RPSA2: variants seen among roughly 807,000 people sequenced by gnomAD.
The protein encoded by RPSA2 is ribosomal protein SA 2.
chr19:23,862,210 T>G, the RPSA2 span, among the ~76,000 whole-genome samples: 1 of 152,182 alleles, frequency 6.6e-6, no homozygotes. Flanking sequence ...ATGCTTGTGA[T>G]TTTTGTACAT....
chr19:23,829,909 A>G, the RPSA2 span, among the ~76,000 whole-genome samples: 1 of 152,188 alleles, frequency 6.6e-6, no homozygotes, highest in Admixed American at 6.5e-5. Context: ...TATTTTTTCT[A>G]GAAAATAATG....
At chr19:23,765,205 G>T in the RPSA2 span, among the ~76,000 whole-genome samples, 3 of 152,156 alleles carry the variant, frequency 2.0e-5, no homozygotes, top group Non-Finnish European at 4.4e-5. Flanking sequence ...GTGTAAATTA[G>T]TTCAACCATT....
chr19:23,779,101 T>C, the RPSA2 span, among the ~76,000 whole-genome samples: 1 of 147,824 alleles, frequency 6.8e-6, no homozygotes, highest in Admixed American at 7.0e-5. Context: ...CCTGGGCTCA[T>C]GCCATTCTCC....
At chr19:23,828,726 A>T in the RPSA2 span, among the ~76,000 whole-genome samples, 1 of 151,736 alleles carries the variant, frequency 6.6e-6, no homozygotes, top group Non-Finnish European at 1.5e-5. Context: ...GTGTATTCTG[A>T]TGTTGTTGAG....
the RPSA2 span, among the ~76,000 whole-genome samples, chr19:23,775,614 A>G: frequency 6.6e-6 from 1 of 152,242 alleles, no homozygotes; most frequent in Non-Finnish European, 1.5e-5. Context: ...ACATGAACAC[A>G]GTCCACTGGA....
At chr19:23,760,667 A>G in the RPSA2 span, among the ~76,000 whole-genome samples, 1,697 of 96,946 alleles carry the variant, frequency 0.018, 39 homozygotes, top group African/African-American at 0.057. Flanking sequence ...ATATATATAT[A>G]TATTTTTTTT....
the RPSA2 span, among the ~76,000 whole-genome samples, chr19:23,767,685 T>C: frequency 6.6e-6 from 1 of 151,880 alleles, no homozygotes; most frequent in Non-Finnish European, 1.5e-5. Flanking sequence ...GAGTCAGACA[T>C]GTTTGTGTCC....
chr19:23,813,535 GA>G, the RPSA2 span, among the ~76,000 whole-genome samples: 4 of 151,816 alleles, frequency 2.6e-5, no homozygotes, highest in Admixed American at 2.6e-4. Flanking sequence ...AGATTTTTAA[GA>G]TTTTTTTTAA....
chr19:23,870,564 T>C, the RPSA2 span, among the ~76,000 whole-genome samples: 4 of 152,044 alleles, frequency 2.6e-5, no homozygotes, highest in African/African-American at 9.7e-5. Context: ...AACTCAAGAG[T>C]TTCAGCCTTC....
the RPSA2 span, among the ~76,000 whole-genome samples, chr19:23,812,432 T>C: frequency 6.6e-6 from 1 of 151,334 alleles, no homozygotes; most frequent in East Asian, 1.9e-4. Flanking sequence ...GTTTTGCTCT[T>C]GTTGCTGAGG....
chr19:23,829,037 T>G, the RPSA2 span, among the ~76,000 whole-genome samples: 1 of 152,126 alleles, frequency 6.6e-6, no homozygotes, highest in African/African-American at 2.4e-5. Context: ...TCTTTGGAGT[T>G]TCAATTTCAA....
the RPSA2 span, among the ~76,000 whole-genome samples, chr19:23,868,252 A>C: frequency 6.6e-6 from 1 of 152,172 alleles, no homozygotes. Context: ...ATAAGCCTCG[A>C]TTTGCCTTCT....
At chr19:23,843,676 T>C in the RPSA2 span, among the ~76,000 whole-genome samples, 6 of 152,246 alleles carry the variant, frequency 3.9e-5, no homozygotes, top group African/African-American at 1.2e-4. Flanking sequence ...AGTGGTGATA[T>C]TAAGATTTGT....
At chr19:23,859,235 A>C in the RPSA2 span, among the ~76,000 whole-genome samples, 1 of 152,210 alleles carries the variant, frequency 6.6e-6, no homozygotes, top group Non-Finnish European at 1.5e-5. Context: ...GCTACGTACA[A>C]ACATGACATC....
the RPSA2 span, among the ~76,000 whole-genome samples, chr19:23,859,248 A>G: frequency 6.6e-6 from 1 of 152,208 alleles, no homozygotes; most frequent in African/African-American, 2.4e-5. Flanking sequence ...ATGACATCAA[A>G]TTATACTTCC....
chr19:23,839,544 A>G, the RPSA2 span, among the ~76,000 whole-genome samples: 1 of 152,210 alleles, frequency 6.6e-6, no homozygotes, highest in Non-Finnish European at 1.5e-5. Flanking sequence ...TCAGTGTGGT[A>G]AAATAAAAAG....
At chr19:23,846,875 C>A in the RPSA2 span, among the ~76,000 whole-genome samples, 6 of 152,168 alleles carry the variant, frequency 3.9e-5, no homozygotes, top group African/African-American at 1.2e-4. Flanking sequence ...GTGGTGATTG[C>A]TGAGCTTCCT....
chr19:23,822,309 TGGACATTAAGG>T, the RPSA2 span, among the ~76,000 whole-genome samples: 5 of 152,340 alleles, frequency 3.3e-5, 1 homozygote, highest in Admixed American at 3.3e-4. Flanking sequence ...AGCATATGCC[TGGACATTAAGG>T]GTGCCTTCAG....
chr19:23,821,424 G>A, the RPSA2 span, among the ~76,000 whole-genome samples: 2 of 152,206 alleles, frequency 1.3e-5, no homozygotes, highest in Admixed American at 6.5e-5. Context: ...TCCTAAGGCT[G>A]GAGCCCTAGT....
Sources: allele counts gnomAD v4.1 joint callset (sites outside exome capture counted in the v4.1 genomes callset), GRCh38; gene constraint gnomAD v4.1.1; transcripts MANE v1.5; gene names NCBI Gene and HGNC (gene_info 2026-07-23, HGNC 2026-07-21).